Variants in SLC38A1 observed in about 807,000 individuals in gnomAD.
SLC38A1 encodes the protein solute carrier family 38 member 1.
Under a neutral mutation model 60.3 loss-of-function variants are expected in SLC38A1, and 18 were observed. The ratio of observed to expected loss-of-function variants is 0.30; its 90% CI spans 0.21 to 0.44. The LOEUF (loss-of-function observed/expected upper bound fraction) is 0.44, where lower values mean the gene tolerates loss of function less well. Among genes scored for constraint, SLC38A1 ranks in the 20% least tolerant of loss-of-function variants. SLC38A1 has a pLI of 1.00. For synonymous variants in SLC38A1, 196 were observed against 212.1 expected, an observed-to-expected ratio of 0.92 and a Z score of 0.66; for missense variants, 448 against 587.2, an observed-to-expected ratio of 0.76 and a Z score of 2.45.
At chr12:46,252,996 G>GAAAAAA (rs71437760) in intron 1 of SLC38A1, among the ~76,000 whole-genome samples, 1 of 107,212 alleles carries the variant, frequency 9.3e-6, no homozygotes, top group African/African-American at 3.6e-5. Flanking sequence ...ATCTTTTTTT[G>GAAAAAA]AAAAAAAAAA....
At chr12:46,207,495 T>G (rs1205982116) in intron 7 of SLC38A1, 34 bp downstream of exon 7, 1 of 1,584,068 alleles carries the variant, frequency 6.3e-7, no homozygotes, top group Non-Finnish European at 8.7e-7. Flanking sequence ...AGAATTAGTT[T>G]CAAGTTATGT....
Position 46,203,038 on chromosome 12 carries a change from C to T in SLC38A1, c.874G>A (p.Val292Ile). The T allele has an allele frequency of 6.2e-7, 1 of 1,613,970 alleles. No individual in the cohort carries two copies. Among genetic ancestry groups the T allele is most frequent in the Non-Finnish European group, 8.5e-7 (1 of 1,179,912 alleles). Residue 292 changes from valine to isoleucine, a missense_variant, in exon 12 of 17, where the codon GTC (valine) becomes ATC (isoleucine). Val to Ile is a conservative substitution (Grantham distance 29). Coordinates refer to ENST00000398637, the MANE Select transcript of SLC38A1 (RefSeq NM_030674.4). ...IAFAFVCHPS[V>I]LPIYSELKDR... ...TTAAGCTCACTGTAAATTGGCAGGA[C>T]TGACGGGTGGCAAACAAATGCAAAT... is the stretch of plus-strand genomic sequence containing the variant.
chr12:46,256,634 C>CAGAGAGAG (rs538542582), intron 1 of SLC38A1, among the ~76,000 whole-genome samples: 19 of 50,948 alleles, frequency 3.7e-4, no homozygotes, highest in African/African-American at 1.0e-3. Flanking sequence ...CACACACACA[C>CAGAGAGAG]ACAGAGAGAG....
At chr12:46,201,016 C>A in intron 13 of SLC38A1, 82 bp downstream of exon 13, 1 of 1,014,814 alleles carries the variant, frequency 9.9e-7, no homozygotes, top group East Asian at 2.6e-5. Context: ...CTTTGCCTTT[C>A]ATGTTAAAAG....
chr12:46,194,464 T>A (rs1309500935), intron 16 of SLC38A1, among the ~76,000 whole-genome samples: 2 of 152,238 alleles, frequency 1.3e-5, no homozygotes, highest in African/African-American at 4.8e-5. Flanking sequence ...ATTTCCTGAA[T>A]TTGAATGTTG....
intron 16 of SLC38A1, among the ~76,000 whole-genome samples, chr12:46,191,732 C>T (rs1474387324): frequency 6.6e-6 from 1 of 151,878 alleles, no homozygotes; most frequent in Non-Finnish European, 1.5e-5. Context: ...GGCTGTTTGT[C>T]TATTATTGGT....
At position 46,187,782 on chromosome 12, in the gene SLC38A1, G is replaced by T. The variant is rs865842734; in HGVS notation, c.*1188C>A. The T allele has an allele frequency of 1.4e-5, 2 of 139,240 alleles. No individual in the cohort carries two copies. Among genetic ancestry groups the T allele is most frequent in the African/African-American group, 5.4e-5 (2 of 36,792 alleles). The allele number at this position is 139,240 out of a possible 1,614,324, so 8.6% of individuals were successfully genotyped here. ...CTCTTCACAAAGACTATCTCTGAGG[G>T]TTTTTTTTTTTTTTTTTTCACAAGA... On this transcript the variant is annotated 3_prime_UTR_variant, in exon 17 of 17. Transcript: ENST00000398637.
At chr12:46,215,457 G>T (rs1256933337) in intron 5 of SLC38A1, among the ~76,000 whole-genome samples, 1 of 151,992 alleles carries the variant, frequency 6.6e-6, no homozygotes, top group African/African-American at 2.4e-5. Flanking sequence ...TGTCACCCAG[G>T]CTGGAGTGCA....
At chr12:46,248,830 C>A (rs2138588836) in intron 1 of SLC38A1, among the ~76,000 whole-genome samples, 1 of 152,182 alleles carries the variant, frequency 6.6e-6, no homozygotes, top group East Asian at 1.9e-4. Context: ...TCTCTCAGAC[C>A]ACAGTGCAAT....
intron 3 of SLC38A1, among the ~76,000 whole-genome samples, chr12:46,236,700 A>C (rs1040703507): frequency 6.6e-6 from 1 of 152,216 alleles, no homozygotes; most frequent in Non-Finnish European, 1.5e-5. Flanking sequence ...TGATTAAGAC[A>C]GTCCCTTTTC....
intron 16 of SLC38A1, 166 bp downstream of exon 16, chr12:46,197,554 G>A (rs6582621): frequency 0.16 from 87,278 of 562,060 alleles, 8,517 homozygotes; most frequent in African/African-American, 0.38. Context: ...GATGGGAGAA[G>A]ATTCTGATAT....
chr12:46,195,735 C>T (rs981027827), intron 16 of SLC38A1: 18 of 193,798 alleles, frequency 9.3e-5, no homozygotes, highest in African/African-American at 3.5e-4. Context: ...AGCAAGGCTC[C>T]GTTGGCATGG....
intron 1 of SLC38A1, among the ~76,000 whole-genome samples, chr12:46,265,498 T>A (rs192677903): frequency 6.6e-6 from 1 of 152,144 alleles, no homozygotes; most frequent in African/African-American, 2.4e-5. Flanking sequence ...ACACAGATAT[T>A]GAAGCAGAAA....
intron 5 of SLC38A1, among the ~76,000 whole-genome samples, chr12:46,220,933 G>C (rs1036943863): frequency 1.3e-5 from 2 of 152,138 alleles, no homozygotes; most frequent in African/African-American, 4.8e-5. Context: ...CAAGGACTTA[G>C]GGCAACGTGC....
In SLC38A1 at chr12:46,192,078, T is replaced by C. The variant is rs566046064; in HGVS notation, c.1363-3007A>G. 2.1e-4 allele frequency among the ~76,000 whole-genome samples: 32 copies of C among 152,360 alleles called. 2 individuals are homozygous for C. Among genetic ancestry groups the C allele is most frequent in the African/African-American group, 5.8e-4 (24 of 41,592 alleles). On this transcript the variant is annotated intron_variant, in intron 16 of 16. Transcript: ENST00000398637. The stretch of plus-strand genomic sequence containing the variant: ...ATATTGGCTGTGGGTTTGTCATAAA[T>C]AGCTCTTTATTATTTTGAGATATGT...
chr12:46,255,817 T>A (rs76355874), intron 1 of SLC38A1, among the ~76,000 whole-genome samples: 6,613 of 152,270 alleles, frequency 0.043, 376 homozygotes, highest in East Asian at 0.26. Context: ...TCCCTGGCCT[T>A]ATCTAGAATC....
At chr12:46,200,533 C>A (rs886715227) in intron 13 of SLC38A1, among the ~76,000 whole-genome samples, 1 of 152,026 alleles carries the variant, frequency 6.6e-6, no homozygotes, top group Non-Finnish European at 1.5e-5. Flanking sequence ...AAGCAGTAAA[C>A]GCCGGTAAAC....
intron 16 of SLC38A1, chr12:46,196,305 T>C (rs1169747402): frequency 2.0e-6 from 3 of 1,534,154 alleles, no homozygotes; most frequent in Non-Finnish European, 2.6e-6. Context: ...AAATTGGGGG[T>C]TGACATGGCT....
intron 5 of SLC38A1, among the ~76,000 whole-genome samples, chr12:46,218,358 G>A (rs1020539207): frequency 6.6e-6 from 1 of 151,932 alleles, no homozygotes; most frequent in Admixed American, 6.6e-5. Flanking sequence ...AAAATCCCAT[G>A]TGACTGTTGA....
Sources: allele counts gnomAD v4.1 joint callset (sites outside exome capture counted in the v4.1 genomes callset), GRCh38; gene constraint gnomAD v4.1.1; transcripts MANE v1.5; gene names NCBI Gene and HGNC (gene_info 2026-07-23, HGNC 2026-07-21).